The following PRRT3 variants were observed in gnomAD, a reference collection of about 807,000 sequenced individuals.
PRRT3 encodes proline-rich transmembrane protein 3.
A neutral mutation model predicts 56.6 loss-of-function variants in PRRT3; 48 were observed. The ratio of observed to expected loss-of-function variants is 0.85; its 90% CI spans 0.67 to 1.08. PRRT3 has a LOEUF of 1.08. Ranked by LOEUF, PRRT3 falls within the 50% of genes least tolerant of loss-of-function variation. PRRT3 has a pLI of 0.00. For missense variants in PRRT3, 1,370 were observed against 1,353.1 expected, an observed-to-expected ratio of 1.01 and a Z score of -0.20; for synonymous variants, 641 against 619.1, an observed-to-expected ratio of 1.04 and a Z score of -0.52.
chr3:9,946,721 C>T lies in PRRT3; in HGVS notation c.2452G>A (p.Ala818Thr), dbSNP rs781357917. The change falls in exon 4 of 4, where the codon GCC becomes ACC. Residue 818 changes from alanine (A) to threonine (T), a missense_variant. Physicochemically the swap from Ala to Thr is moderately conservative, Grantham distance 58. Coordinates refer to ENST00000412055, the MANE Select transcript of PRRT3 (RefSeq NM_207351.5). The surrounding 1 kb of genome is among the most constrained non-coding windows in gnomAD (Gnocchi z 4.1). Reference protein sequence around the residue: ...SPINLSRSIDAALFREHLVRD... With the variant: ...SPINLSRSIDTALFREHLVRD... Reference sequence around the variant, plus strand: ...ACTAGGTGCTCGCGGAAGAGCGCGGCGTCGATGCTGCGGCTCAGGTTGATG... The same window carrying T: ...ACTAGGTGCTCGCGGAAGAGCGCGGTGTCGATGCTGCGGCTCAGGTTGATG... 2.8e-5 allele frequency: 42 copies of T among 1,491,364 alleles called. No homozygotes were observed. The highest frequency in any genetic ancestry group is 3.6e-5 in the Non-Finnish European group (41 of 1,130,086). The allele number at this position is 1,491,364 out of a possible 1,614,324, so 92.4% of individuals were successfully genotyped here. A position where few individuals can be genotyped will look rare whatever the true frequency, so the allele number is the denominator to read the frequency against.
Position 9,947,836 on chromosome 3 carries a change from G to T in PRRT3, c.1337C>A (p.Ala446Asp), listed in dbSNP as rs1330031849. 4 of 1,437,422 alleles carry T rather than the reference G, an allele frequency of 2.8e-6. No homozygotes were observed. The African/African-American group carries it at 4.5e-5, about 16-fold the overall frequency. 89.0% of individuals were successfully genotyped at this position (1,437,422 alleles called of 1,614,324 possible). Reference protein sequence around the residue: ...PTASSMASAPASSPPANATAP... With the variant: ...PTASSMASAPDSSPPANATAP... ...AGTGGCGTTGGCTGGGGGGCTGGAG[G>T]CTGGGGCTGAAGCCATGGAGCTGGC... is the stretch of plus-strand genomic sequence containing the variant. The change falls in exon 4 of 4, where the codon GCC (alanine) becomes GAC (aspartate). Residue 446 changes from alanine to aspartate, a missense_variant. Ala to Asp is a moderately radical substitution (Grantham distance 126, BLOSUM62 -2). Coordinates refer to ENST00000412055, the MANE Select transcript of PRRT3 (RefSeq NM_207351.5). This position sits in a 1 kb window ranked among gnomAD's most constrained non-coding sequence, Gnocchi z 9.2.
In PRRT3 at chr3:9,948,753, C is replaced by T; in HGVS notation, c.1171+5G>A. 1.9e-6 allele frequency: 3 copies of T among 1,613,958 alleles called. No homozygotes were observed. Among genetic ancestry groups the T allele is most frequent in the Non-Finnish European group, 1.7e-6 (2 of 1,179,968 alleles). On this transcript the variant is annotated splice_donor_5th_base_variant and intron_variant, in intron 3 of 3. Transcript: ENST00000412055. The stretch of plus-strand genomic sequence containing the variant: ...CCTCTCCCCACACCCCAGCCATGCT[C>T]TCACCTGGCTGCAGGGCCCCCATGG...
chr3:9,947,876 G>T lies in PRRT3; in HGVS notation c.1297C>A (p.Pro433Thr). 2 of 1,428,286 alleles carry T rather than the reference G, an allele frequency of 1.4e-6. No individual in the cohort carries two copies. Among genetic ancestry groups the T allele is most frequent in the Non-Finnish European group, 1.8e-6 (2 of 1,091,532 alleles). The allele number at this position is 1,428,286 out of a possible 1,614,324, so 88.5% of individuals were successfully genotyped here. ...TTQRALGQPP[P>T]PEPTASSMAS... ...ATGGAGCTGGCGGTGGGCTCCGGAG[G>T]GGGAGGCTGGCCCAGGGCTCGCTGC... The change falls in exon 4 of 4, where the codon CCT becomes ACT. Residue 433 changes from proline (P) to threonine (T), a missense_variant. Physicochemically the swap from Pro to Thr is conservative, Grantham distance 38. Coordinates refer to ENST00000412055, the MANE Select transcript of PRRT3 (RefSeq NM_207351.5). This position sits in a 1 kb window ranked among gnomAD's most constrained non-coding sequence, Gnocchi z 9.2.
At chr3:9,951,430 G>C (rs1686255728) in intron 1 of PRRT3, among the ~76,000 whole-genome samples, 1 of 152,190 alleles carries the variant, frequency 6.6e-6, no homozygotes, top group African/African-American at 2.4e-5. Flanking sequence ...CCGGGGAAAA[G>C]ACCCAGGCTC....
In PRRT3 at chr3:9,950,066, A is replaced by G. The variant is rs750494400; in HGVS notation, c.50T>C (p.Leu17Pro). 6.6e-7 allele frequency: 1 copy of G among 1,509,754 alleles called. No homozygotes were observed. Among genetic ancestry groups the G allele is most frequent in the East Asian group, 2.3e-5 (1 of 43,838 alleles). 93.5% of individuals were successfully genotyped at this position (1,509,754 alleles called of 1,614,324 possible). A position where few individuals can be genotyped will look rare whatever the true frequency, so the allele number is the denominator to read the frequency against. ...GGCAGGGCCAGTCCCCAGGAGTGGC[A>G]GCAGCAACAGCAGAAGGCCACATAC... ...GCVCGLLLLL[L>P]PLLGTGPALG... Residue 17 changes from leucine to proline, a missense_variant, in exon 2 of 4, where the codon CTG (leucine) becomes CCG (proline). Leu to Pro is a moderately conservative substitution (Grantham distance 98, BLOSUM62 -3). Transcript: ENST00000412055.
rs1464256836 is a variant in PRRT3 at position 9,949,462 on chromosome 3, G to A, written c.654C>T (p.Val218=). ...CCTGTCCTTCCAGCACTGGCCTCTT[G>A]ACAGTACCTGAGTGGGAAACAAGGG... ...PHTLVSHSGT[V]KRPVLEGQGG... is the part of the protein sequence containing the mutation. Residue 218 remains valine (V), a synonymous_variant, in exon 2 of 4, where the codon GTC becomes GTT. Coordinates refer to ENST00000412055, the MANE Select transcript of PRRT3 (RefSeq NM_207351.5). The surrounding 1 kb of genome is among the most constrained non-coding windows in gnomAD (Gnocchi z 4.5). 3.7e-6 allele frequency: 6 copies of A among 1,614,124 alleles called. 1 individual carries two copies. The South Asian group carries it at 4.4e-5, about 12-fold the overall frequency.
intron 1 of PRRT3, among the ~76,000 whole-genome samples, chr3:9,951,276 G>A (rs893175423): frequency 2.0e-5 from 3 of 152,280 alleles, no homozygotes; most frequent in African/African-American, 7.2e-5. Context: ...TGGAGGGTGC[G>A]AGAGCTGAAG....
In PRRT3 at chr3:9,946,728, G is replaced by T. The variant is rs1400787743; in HGVS notation, c.2445C>A (p.Ser815Arg). The stretch of plus-strand genomic sequence containing the variant: ...GCTCGCGGAAGAGCGCGGCGTCGAT[G>T]CTGCGGCTCAGGTTGATGGGCGATG... ...RPPSPINLSRSIDAALFREHL... is the reference protein window; with the variant it reads ...RPPSPINLSRRIDAALFREHL... The change falls in exon 4 of 4, where the codon AGC (serine) becomes AGA (arginine). Residue 815 changes from serine (S) to arginine (R), a missense_variant. Transcript: ENST00000412055. This position sits in a 1 kb window ranked among gnomAD's most constrained non-coding sequence, Gnocchi z 4.1. 6 of 1,500,986 alleles carry T rather than the reference G, an allele frequency of 4.0e-6. No individual in the cohort carries two copies. The highest frequency in any genetic ancestry group is 1.3e-5 in the South Asian group (1 of 75,550). 93.0% of individuals were successfully genotyped at this position (1,500,986 alleles called of 1,614,324 possible).
At position 9,949,345 on chromosome 3, in the gene PRRT3, T is replaced by G. The variant is rs1402355295; in HGVS notation, c.771A>C (p.Pro257=). The change falls in exon 2 of 4, where the codon CCA becomes CCC. Residue 257 remains proline, a synonymous_variant. Transcript: ENST00000412055. The surrounding 1 kb of genome is among the most constrained non-coding windows in gnomAD (Gnocchi z 4.5). The stretch of plus-strand genomic sequence containing the variant: ...GCTCCTGAGAGTACACCACCTCAAC[T>G]GGGGGTACTGAGCCAACATCAGGGG... ...PAAPDVGSVP[P]VEVVYSQEPG... 6.2e-7 allele frequency: 1 copy of G among 1,613,966 alleles called. No homozygotes were observed. The highest frequency in any genetic ancestry group is 8.5e-7 in the Non-Finnish European group (1 of 1,180,022).
In PRRT3 at chr3:9,946,288, A is replaced by G; in HGVS notation, c.2885T>C (p.Val962Ala). 1 of 1,612,112 alleles carries G rather than the reference A, an allele frequency of 6.2e-7. No individual in the cohort carries two copies. Among genetic ancestry groups the G allele is most frequent in the Non-Finnish European group, 8.5e-7 (1 of 1,179,658 alleles). The part of the protein sequence containing the change: ...AARQGDGQGE[V>A]QPRGKPGESR... ...TTCCCCAGGCTTGCCGCGCGGCTGG[A>G]CCTCTCCCTGGCCGTCCCCCTGCCG... The change falls in exon 4 of 4, where the codon GTC becomes GCC. Residue 962 changes from valine (V) to alanine (A), a missense_variant. Physicochemically the swap from Val to Ala is moderately conservative, Grantham distance 64. Transcript: ENST00000412055. This position sits in a 1 kb window ranked among gnomAD's most constrained non-coding sequence, Gnocchi z 4.1.
intron 1 of PRRT3, among the ~76,000 whole-genome samples, 157 bp downstream of exon 1, chr3:9,952,165 C>G (rs888651853): frequency 6.6e-6 from 1 of 152,202 alleles, no homozygotes; most frequent in African/African-American, 2.4e-5. Flanking sequence ...CCTCCTCCTC[C>G]TCCGTCTCCT....
rs1295312447 is a variant in PRRT3, at chr3:9,947,505, A to T, written c.1668T>A (p.Thr556=). 6.2e-7 allele frequency: 1 copy of T among 1,612,030 alleles called. No homozygotes were observed. Among genetic ancestry groups the T allele is most frequent in the African/African-American group, 1.3e-5 (1 of 75,018 alleles). The change falls in exon 4 of 4, where the codon ACT becomes ACA. Residue 556 remains threonine, a synonymous_variant. Transcript: ENST00000412055. The surrounding 1 kb of genome is among the most constrained non-coding windows in gnomAD (Gnocchi z 9.2). ...GCAGCCCCGCGCCCAGGCCGAGCAG[A>T]GTCAGGGCTGCCAGCGCCGTAAGCA... The part of the protein sequence containing the change: ...PLLLTALAAL[T]LLGLGAGLPP...
At position 9,947,798 on chromosome 3, in the gene PRRT3, G is replaced by T. The variant is rs1275692306; in HGVS notation, c.1375C>A (p.Arg459Ser). 4.1e-6 allele frequency: 6 copies of T among 1,457,562 alleles called. No homozygotes were observed. The highest frequency in any genetic ancestry group is 5.4e-6 in the Non-Finnish European group (6 of 1,105,486). The allele number at this position is 1,457,562 out of a possible 1,614,324, so 90.3% of individuals were successfully genotyped here. The change falls in exon 4 of 4, where the codon CGC (arginine) becomes AGC (serine). Residue 459 changes from arginine (R) to serine (S), a missense_variant. By Grantham distance (110) the Arg-to-Ser change is moderately radical. Coordinates refer to ENST00000412055, the MANE Select transcript of PRRT3 (RefSeq NM_207351.5). The surrounding 1 kb of genome is among the most constrained non-coding windows in gnomAD (Gnocchi z 9.2). ...PPANATAPPL[R>S]WGPLRRVLSF... ...AGGACCCGCCGAAGGGGGCCCCAGC[G>T]TAGCGGGGGTGCAGTGGCGTTGGCT...
chr3:9,947,961 G>A lies in PRRT3; in HGVS notation c.1212C>T (p.Pro404=). The A allele has an allele frequency of 7.3e-7, 1 of 1,379,164 alleles. No homozygotes were observed. Among genetic ancestry groups the A allele is most frequent in the Non-Finnish European group, 9.4e-7 (1 of 1,069,138 alleles). 85.4% of individuals were successfully genotyped at this position (1,379,164 alleles called of 1,614,324 possible). A position where few individuals can be genotyped will look rare whatever the true frequency, so the allele number is the denominator to read the frequency against. ...AGGGGGCCTGGACTGGGGGTGCTGG[G>A]GGATGGCTTTGGGGGCGCCCCGGCC... The part of the protein sequence containing the change: ...EEWPGRPQSH[P]PAPPVQAPST... Residue 404 remains proline (P), a synonymous_variant, in exon 4 of 4, where the codon CCC becomes CCT. Coordinates refer to ENST00000412055, the MANE Select transcript of PRRT3 (RefSeq NM_207351.5). The surrounding 1 kb of genome is among the most constrained non-coding windows in gnomAD (Gnocchi z 9.2).
Position 9,946,040 on chromosome 3 carries a change from G to T in PRRT3, c.*187C>A. 1.2e-6 allele frequency: 1 copy of T among 859,958 alleles called. No individual in the cohort carries two copies. Among genetic ancestry groups the T allele is most frequent in the Non-Finnish European group, 1.7e-6 (1 of 586,420 alleles). The allele number at this position is 859,958 out of a possible 1,614,324, so 53.3% of individuals were successfully genotyped here. A position where few individuals can be genotyped will look rare whatever the true frequency, so the allele number is the denominator to read the frequency against. ...GAGACGAGGGTTTCGCTATGTTCGAGACCAGGAGGCTGATCTCGAACTCCT... is the reference window on the plus strand; with the variant it reads ...GAGACGAGGGTTTCGCTATGTTCGATACCAGGAGGCTGATCTCGAACTCCT... On this transcript the variant is annotated 3_prime_UTR_variant, in exon 4 of 4. Transcript: ENST00000412055. This position sits in a 1 kb window ranked among gnomAD's most constrained non-coding sequence, Gnocchi z 4.1.
In PRRT3 at chr3:9,947,925, G is replaced by A; in HGVS notation, c.1248C>T (p.Arg416=). Residue 416 remains arginine (R), a synonymous_variant, in exon 4 of 4, where the codon CGC becomes CGT. Coordinates refer to ENST00000412055, the MANE Select transcript of PRRT3 (RefSeq NM_207351.5). The surrounding 1 kb of genome is among the most constrained non-coding windows in gnomAD (Gnocchi z 9.2). ...APPVQAPSTS[R]RGLIRVTTQR... Reference sequence around the variant, plus strand: ...GCGTGGTGACTCGAATGAGGCCCCGGCGTGACGTCGAGGGGGCCTGGACTG... The same window carrying A: ...GCGTGGTGACTCGAATGAGGCCCCGACGTGACGTCGAGGGGGCCTGGACTG... The A allele has an allele frequency of 1.4e-6, 2 of 1,417,758 alleles. No individual in the cohort carries two copies. The highest frequency in any genetic ancestry group is 1.8e-6 in the Non-Finnish European group (2 of 1,090,092). The allele number at this position is 1,417,758 out of a possible 1,614,324, so 87.8% of individuals were successfully genotyped here.
rs2085592698 is a variant in PRRT3 at position 9,949,759 on chromosome 3, A to G, written c.357T>C (p.Ala119=). Residue 119 remains alanine (A), a synonymous_variant, in exon 2 of 4, where the codon GCT becomes GCC. Transcript: ENST00000412055. The surrounding 1 kb of genome is among the most constrained non-coding windows in gnomAD (Gnocchi z 4.5). The part of the protein sequence containing the change: ...RLPVTDDLQM[A]QGPSSHGWTG... ...TCCAGCCGTGGGAGCTTGGTCCTTG[A>G]GCCATCTGGAGGTCATCAGTTACTG... 6.2e-7 allele frequency: 1 copy of G among 1,613,962 alleles called. No individual in the cohort carries two copies.
rs766970732 is a variant in PRRT3, at chr3:9,947,444, C to G, written c.1729G>C (p.Val577Leu). The G allele has an allele frequency of 8.1e-6, 13 of 1,612,442 alleles. No individual in the cohort carries two copies. Among genetic ancestry groups the G allele is most frequent in the Admixed American group, 1.7e-5 (1 of 59,988 alleles). Residue 577 changes from valine to leucine, a missense_variant, in exon 4 of 4, where the codon GTG (valine) becomes CTG (leucine). Val to Leu is a conservative substitution (Grantham distance 32, BLOSUM62 1). Transcript: ENST00000412055. This position sits in a 1 kb window ranked among gnomAD's most constrained non-coding sequence, Gnocchi z 9.2. ...AACCCTACACCATGCACCAGCGCCA[C>G]TGCTCCCAGCAGGAGTGGGTTTTGC... ...PLQNPLLLGA[V>L]ALVHGVGLLA...
chr3:9,952,362 T>G lies in PRRT3; in HGVS notation c.-98A>C, dbSNP rs551404985. Reference sequence around the variant, plus strand: ...CCCGTGTTCACCTTGCGCGCGTCCCTGCAGCCGATCGCCGCGCCGCATCCT... The same window carrying G: ...CCCGTGTTCACCTTGCGCGCGTCCCGGCAGCCGATCGCCGCGCCGCATCCT... On this transcript the variant is annotated 5_prime_UTR_variant, in exon 1 of 4. Transcript: ENST00000412055. 6.6e-6 allele frequency: 1 copy of G among 152,198 alleles called. No individual in the cohort carries two copies. The highest frequency in any genetic ancestry group is 1.5e-5 in the Non-Finnish European group (1 of 68,038). The allele number at this position is 152,198 out of a possible 1,614,324, so 9.4% of individuals were successfully genotyped here.
Sources: gnomAD v4.1 joint callset for allele counts (sites outside exome capture counted in the v4.1 genomes callset) on GRCh38, gnomAD v4.1.1 for gene constraint, Gnocchi (gnomAD v3.1) non-coding constraint, MANE v1.5 for transcripts, NCBI Gene and HGNC (gene_info 2026-07-23, HGNC 2026-07-21) for gene names.